Variants in NOS2 observed in about 807,000 individuals in gnomAD.
NOS2 encodes the protein nitric oxide synthase 2, also known as nitric oxide synthase, inducible.
In NOS2, 96 loss-of-function variants were observed where a neutral mutation model predicts 136.0. That is an observed-to-expected ratio of 0.71 (90% CI 0.60 to 0.84). The LOEUF is 0.84. NOS2 is among the 40% of genes least tolerant of loss of function. NOS2 has a pLI of 0.00. For synonymous variants in NOS2, 539 were observed against 587.5 expected (o/e 0.92, Z 1.20); for missense variants, 1,237 against 1,496.9 (o/e 0.83, Z 2.87).
At chr17:27,773,001 C>A (rs1233857161) in intron 13 of NOS2, among the ~76,000 whole-genome samples, 160 bp downstream of exon 13, 3 of 152,184 alleles carry the variant, frequency 2.0e-5, no homozygotes, top group African/African-American at 7.2e-5. Context: ...CACCACTACA[C>A]CCCAGCCTGG....
chr17:27,774,421 AG>A lies in NOS2; in HGVS notation c.1311del (p.Ser438ArgfsTer7). The A allele has an allele frequency of 6.6e-7, 1 of 1,526,364 alleles. No homozygotes were observed. Among genetic ancestry groups the A allele is most frequent in the Non-Finnish European group, 8.8e-7 (1 of 1,134,976 alleles). 94.6% of individuals were successfully genotyped at this position (1,526,364 alleles called of 1,614,324 possible). On this transcript the variant is annotated frameshift_variant, in exon 12 of 27. Coordinates refer to ENST00000313735, the MANE Select transcript of NOS2 (RefSeq NM_000625.4). LOFTEE classifies it high-confidence loss of function. ...TACTTCATGAAGGATTCTGCAGCCGAGTGGTGGTCCATGATGGTCACATTCT... is the reference window on the plus strand; with the variant it reads ...TACTTCATGAAGGATTCTGCAGCCGATGGTGGTCCATGATGGTCACATTCT... ...QKQNVTIMDH[H>X]SAAESFMKYM... is the part of the protein sequence containing the mutation.
At chr17:27,763,031 A>G (rs375504705) in intron 21 of NOS2, 26 bp from the exon 22 acceptor site, 2 of 1,513,362 alleles carry the variant, frequency 1.3e-6, no homozygotes, top group Non-Finnish European at 1.8e-6. Flanking sequence ...GATGTCAGTG[A>G]CTCAGGGCGC....
intron 22 of NOS2, 39 bp downstream of exon 22, chr17:27,762,759 C>T (rs202168750): frequency 9.9e-5 from 137 of 1,390,438 alleles, no homozygotes; most frequent in African/African-American, 7.3e-4. Flanking sequence ...CAATAATGGG[C>T]GGAGCGGGGC....
Position 27,765,667 on chromosome 17 carries a change from T to G in NOS2, c.2296A>C (p.Asn766His), listed in dbSNP as rs756210003. 3 of 1,613,408 alleles carry G rather than the reference T, an allele frequency of 1.9e-6. No individual in the cohort carries two copies. In the South Asian group the frequency reaches 3.3e-5, roughly 18 times the overall value. ...CCAAGGTGCTCCCCCGGCAGGTAGTTCAGGCCTTGGCCATCCTCACAGGAG... is the reference window on the plus strand; with the variant it reads ...CCAAGGTGCTCCCCCGGCAGGTAGTGCAGGCCTTGGCCATCCTCACAGGAG... ...ELSCEDGQGL[N>H]YLPGEHLGVC... The change falls in exon 20 of 27, where the codon AAC becomes CAC. Residue 766 changes from asparagine to histidine, a missense_variant. This residue lies in a region of NOS2 where 782 missense variants were observed against 909.9 expected (regional missense o/e 0.86). Transcript: ENST00000313735.
chr17:27,796,180 C>T (rs966744408), intron 2 of NOS2, among the ~76,000 whole-genome samples: 31 of 152,086 alleles, frequency 2.0e-4, no homozygotes, highest in African/African-American at 4.8e-5. Flanking sequence ...AGCCTAGGTG[C>T]GGTGGCTCAC....
chr17:27,767,488 A>T (rs1908342813), intron 18 of NOS2, among the ~76,000 whole-genome samples: 1 of 152,204 alleles, frequency 6.6e-6, no homozygotes, highest in Admixed American at 6.5e-5. Context: ...GCGGATGCTG[A>T]TCCCTTCTGT....
At chr17:27,760,574 G>A (rs1908086276) in intron 24 of NOS2, 49 bp downstream of exon 24, 2 of 1,550,776 alleles carry the variant, frequency 1.3e-6, no homozygotes, top group Non-Finnish European at 1.7e-6. Context: ...CTCCTAGGCA[G>A]GCGCTGGCCC....
At chr17:27,770,478 C>G (rs140004767) in intron 15 of NOS2, among the ~76,000 whole-genome samples, 74 of 152,260 alleles carry the variant, frequency 4.9e-4, no homozygotes, top group African/African-American at 1.7e-3. Flanking sequence ...AAAAGCAAAA[C>G]TCCACCTAAG....
intron 1 of NOS2, among the ~76,000 whole-genome samples, chr17:27,799,586 G>A (rs1271486316): frequency 2.0e-5 from 3 of 152,234 alleles, no homozygotes; most frequent in Admixed American, 6.5e-5. Context: ...GCTCACGCCT[G>A]TAATCCCAGC....
intron 5 of NOS2, among the ~76,000 whole-genome samples, chr17:27,786,150 C>CGGT (rs954095688): frequency 1.3e-5 from 2 of 151,590 alleles, no homozygotes; most frequent in Non-Finnish European, 2.9e-5. Context: ...GGGCCGGGCT[C>CGGT]GGTGGCTCAC....
At chr17:27,757,437 C>T in intron 26 of NOS2, 84 bp from the exon 27 acceptor site, 1 of 1,033,742 alleles carries the variant, frequency 9.7e-7, no homozygotes, top group Non-Finnish European at 1.5e-6. Flanking sequence ...ATCACATGGA[C>T]CTTCATGAGC....
At position 27,766,504 on chromosome 17, in the gene NOS2, C is replaced by A. The variant is rs1908306213; in HGVS notation, c.2246+6G>T. The A allele has an allele frequency of 1.2e-6, 2 of 1,612,456 alleles. No individual in the cohort carries two copies. Among genetic ancestry groups the A allele is most frequent in the Admixed American group, 3.3e-5 (2 of 60,028 alleles). On this transcript the variant is annotated splice_donor_region_variant and intron_variant, in intron 19 of 26. Transcript: ENST00000313735. ...ATCACCCACGAAGCCCTGCACTTTC[C>A]CTTACCTGGATGTCGGACTTTGTAG...
chr17:27,797,784 T>C (rs1909400598), intron 2 of NOS2, among the ~76,000 whole-genome samples: 1 of 152,190 alleles, frequency 6.6e-6, no homozygotes, highest in Non-Finnish European at 1.5e-5. Context: ...ACTCATTCTC[T>C]TGGTTCTGCC....
In NOS2 at chr17:27,788,196, G is replaced by GCGCACACACACA. The variant is rs1555540675; in HGVS notation, c.319-371_319-370insTGTGTGTGTGCG. ...ATGAGACATAGGAAGGCACACGCGT[G>GCGCACACACACA]CACACACACACACACACACACACAC... On this transcript the variant is annotated intron_variant, in intron 4 of 26. Transcript: ENST00000313735. Among the ~76,000 whole-genome samples, 102 of 149,754 alleles carry GCGCACACACACA rather than the reference G, an allele frequency of 6.8e-4. 2 individuals are homozygous for GCGCACACACACA. Among genetic ancestry groups the GCGCACACACACA allele is most frequent in the Middle Eastern group, 3.5e-3 (1 of 288 alleles).
intron 2 of NOS2, among the ~76,000 whole-genome samples, chr17:27,790,721 A>G (rs1451855340): frequency 6.6e-6 from 1 of 152,254 alleles, no homozygotes; most frequent in Non-Finnish European, 1.5e-5. Context: ...TAAATTAAAC[A>G]TTACTTAAAG....
chr17:27,765,947 G>C (rs1339137283), intron 19 of NOS2, among the ~76,000 whole-genome samples: 1 of 152,222 alleles, frequency 6.6e-6, no homozygotes, highest in East Asian at 1.9e-4. Flanking sequence ...CTTCCCAGCA[G>C]CCCTTGGAGC....
At chr17:27,768,063 G>A (rs1027693300) in intron 17 of NOS2, among the ~76,000 whole-genome samples, 5 of 152,096 alleles carry the variant, frequency 3.3e-5, no homozygotes, top group African/African-American at 1.2e-4. Context: ...CTTTGTTTTT[G>A]TTTTGAGACA....
chr17:27,761,873 G>A lies in NOS2; in HGVS notation c.2801-642C>T, dbSNP rs140832752. The stretch of plus-strand genomic sequence containing the variant: ...GCAGAGGTCCCCCTGGTTTTCCTCG[G>A]GATTAAACTTTGATCTCACAGGACA... On this transcript the variant is annotated intron_variant, in intron 22 of 26. Transcript: ENST00000313735. Among the ~76,000 whole-genome samples the A allele has an allele frequency of 3.5e-3, 528 of 152,244 alleles. 3 individuals are homozygous for A. The highest frequency in any genetic ancestry group is 0.012 in the African/African-American group (496 of 41,542).
At chr17:27,763,587 T>C (rs1908206007) in intron 21 of NOS2, among the ~76,000 whole-genome samples, 1 of 152,234 alleles carries the variant, frequency 6.6e-6, no homozygotes, top group Non-Finnish European at 1.5e-5. Flanking sequence ...CATTAACTTA[T>C]TAATTCAGCT....
Sources: allele counts gnomAD v4.1 joint callset (sites outside exome capture counted in the v4.1 genomes callset), GRCh38; gene constraint gnomAD v4.1.1; regional missense constraint gnomAD v4.1.1; transcripts MANE v1.5; gene names NCBI Gene and HGNC (gene_info 2026-07-23, HGNC 2026-07-21).